Variants in QSER1 observed in about 807,000 individuals in gnomAD.
The protein encoded by QSER1 is glutamine and serine-rich protein 1.
In QSER1, 49 loss-of-function variants were observed where a neutral mutation model predicts 158.5. That is an observed-to-expected ratio of 0.31 (90% CI 0.25 to 0.39). The LOEUF is 0.39. Ranked by LOEUF, QSER1 falls within the 10% of genes least tolerant of loss-of-function variation. The probability of loss-of-function intolerance (pLI) is 1.00; values close to 1 mark genes in which losing one functional copy is unlikely to be tolerated. For synonymous variants in QSER1, 650 were observed against 715.5 expected, an observed-to-expected ratio of 0.91 and a Z score of 1.46; for missense variants, 1,754 against 2,010.3, an observed-to-expected ratio of 0.87 and a Z score of 2.44.
chr11:32,914,049 A>G (rs1341334133), intron 1 of QSER1, among the ~76,000 whole-genome samples: 2 of 152,232 alleles, frequency 1.3e-5, no homozygotes, highest in East Asian at 3.8e-4. Context: ...ATTAGCTAAA[A>G]CAAAGATTTT....
chr11:32,930,626 C>T (rs1380776077), intron 3 of QSER1, among the ~76,000 whole-genome samples: 1 of 152,154 alleles, frequency 6.6e-6, no homozygotes, highest in Admixed American at 6.5e-5. Context: ...TATGTCAAAA[C>T]ATATGTATCC....
chr11:32,949,103 G>T (rs920226617), intron 4 of QSER1, among the ~76,000 whole-genome samples: 2 of 151,920 alleles, frequency 1.3e-5, no homozygotes, highest in African/African-American at 4.8e-5. Context: ...CTTTTAAATA[G>T]TCATTTGTTT....
chr11:32,972,339 T>C (rs1648964614), intron 10 of QSER1, among the ~76,000 whole-genome samples: 1 of 152,006 alleles, frequency 6.6e-6, no homozygotes. Context: ...CATTCAGTTA[T>C]TGTTTGTAGC....
chr11:32,974,590 A>G lies in QSER1; in HGVS notation c.5359-658A>G, dbSNP rs1029402621. On this transcript the variant is annotated intron_variant, in intron 11 of 12. Coordinates refer to ENST00000650167, the MANE Select transcript of QSER1 (RefSeq NM_001076786.3). ...TAATGTCATACTACGTGCTTTTTATAAAGAAGAGATAGATTTGTTCATTCT... is the reference window on the plus strand; with the variant it reads ...TAATGTCATACTACGTGCTTTTTATGAAGAAGAGATAGATTTGTTCATTCT... 2.6e-5 allele frequency among the ~76,000 whole-genome samples: 4 copies of G among 152,334 alleles called. No individual in the cohort carries two copies. The Middle Eastern group carries it at 0.01, about 389-fold the overall frequency.
At chr11:32,909,012 T>G (rs1182971274) in intron 1 of QSER1, among the ~76,000 whole-genome samples, 1 of 152,054 alleles carries the variant, frequency 6.6e-6, no homozygotes, top group Non-Finnish European at 1.5e-5. Context: ...ATATAAAAAT[T>G]AGCTGGGCGT....
intron 1 of QSER1, among the ~76,000 whole-genome samples, chr11:32,913,179 C>CTTTTTTTT (rs61685246): frequency 1.8e-5 from 1 of 54,348 alleles, no homozygotes; most frequent in African/African-American, 7.5e-5. Context: ...TCTCCTCTTC[C>CTTTTTTTT]TTTTTTTTTT....
chr11:32,906,684 AT>A (rs1216035933), intron 1 of QSER1, among the ~76,000 whole-genome samples: 1 of 152,126 alleles, frequency 6.6e-6, no homozygotes, highest in Non-Finnish European at 1.5e-5. Context: ...AAGTGCTGGG[AT>A]TATCAACATG....
At chr11:32,913,916 C>T (rs1043408244) in intron 1 of QSER1, among the ~76,000 whole-genome samples, 1 of 152,194 alleles carries the variant, frequency 6.6e-6, no homozygotes, top group Admixed American at 6.5e-5. Context: ...TGCTTTTATA[C>T]AGCTGTTACA....
At chr11:32,931,092 A>G (rs1026681239) in intron 3 of QSER1, among the ~76,000 whole-genome samples, 4 of 150,694 alleles carry the variant, frequency 2.7e-5, no homozygotes, top group Non-Finnish European at 1.5e-5. Context: ...TTTTTTTTCC[A>G]TTTTAATGTT....
chr11:32,956,280 T>C (rs1313666678), intron 7 of QSER1, among the ~76,000 whole-genome samples, 159 bp downstream of exon 7: 2 of 152,126 alleles, frequency 1.3e-5, no homozygotes, highest in Non-Finnish European at 2.9e-5. Flanking sequence ...TTTGAAGGCA[T>C]GAGATGGGCA....
rs111783267 is a variant in QSER1, at chr11:32,937,303, G to C, written c.4177+1868G>C. On this transcript the variant is annotated intron_variant, in intron 4 of 12. Coordinates refer to ENST00000650167, the MANE Select transcript of QSER1 (RefSeq NM_001076786.3). ...TTTTTTTCTTTTTTTATTATTTTAA[G>C]AGACAGAGTCTTGCTCTGTCACCCA... Among the ~76,000 whole-genome samples the C allele has an allele frequency of 4.2e-3, 632 of 151,670 alleles. 3 individuals are homozygous for C. The highest frequency in any genetic ancestry group is 0.014 in the African/African-American group (578 of 41,302).
chr11:32,927,970 G>T lies in QSER1; in HGVS notation c.331G>T (p.Gly111Ter). 1.1e-6 allele frequency: 1 copy of T among 871,192 alleles called. No individual in the cohort carries two copies. Among genetic ancestry groups the T allele is most frequent in the Non-Finnish European group, 1.8e-6 (1 of 571,240 alleles). The allele number at this position is 871,192 out of a possible 1,614,324, so 54.0% of individuals were successfully genotyped here. A position where few individuals can be genotyped will look rare whatever the true frequency, so the allele number is the denominator to read the frequency against. The change falls in exon 3 of 13, where the codon GGA (glycine) becomes TGA (stop). Residue 111 changes from glycine (G) to a stop codon, truncating the protein, a stop_gained. Transcript: ENST00000650167. LOFTEE classifies it high-confidence loss of function. ...TTTATCTTCAAATTTAGGTCTTTCT[G>T]GAATATTTGATACTAGTGTGAACAG... Reference protein sequence around the residue: ...APTPQPTGLSGIFDTSVNSAS... With the variant: ...APTPQPTGLS
intron 2 of QSER1, among the ~76,000 whole-genome samples, 172 bp from the exon 3 acceptor site, chr11:32,927,790 T>C (rs187798912): frequency 1.4e-3 from 208 of 152,334 alleles, no homozygotes; most frequent in Non-Finnish European, 2.5e-3. Flanking sequence ...AGATTTTAAA[T>C]TATAAATATG....
Position 32,932,711 on chromosome 11 carries a change from G to T in QSER1, c.1453G>T (p.Val485Phe). 1 of 1,614,096 alleles carries T rather than the reference G, an allele frequency of 6.2e-7. No individual in the cohort carries two copies. ...LVQPHNVPSI[V>F]HSQVYRSSKV... ...ACAGCCACATAATGTGCCATCTATT[G>T]TTCATTCACAGGTTTATAGGTCCAG... Residue 485 changes from valine (V) to phenylalanine (F), a missense_variant, in exon 4 of 13, where the codon GTT (valine) becomes TTT (phenylalanine). By Grantham distance (50) the Val-to-Phe change is conservative. This residue lies in a region of QSER1 where 1,707 missense variants were observed against 1,919.6 expected (regional missense o/e 0.89). Coordinates refer to ENST00000650167, the MANE Select transcript of QSER1 (RefSeq NM_001076786.3).
chr11:32,912,926 TTTAACTC>T (rs1328990938), intron 1 of QSER1, among the ~76,000 whole-genome samples: 20 of 152,126 alleles, frequency 1.3e-4, no homozygotes, highest in African/African-American at 3.9e-4. Context: ...AAAGTATAAA[TTTAACTC>T]TTACTAAAAT....
intron 4 of QSER1, among the ~76,000 whole-genome samples, chr11:32,941,603 T>G (rs1852238681): frequency 6.6e-6 from 1 of 152,160 alleles, no homozygotes; most frequent in African/African-American, 2.4e-5. Flanking sequence ...GGTGTATATG[T>G]GCCACATTTT....
intron 4 of QSER1, among the ~76,000 whole-genome samples, chr11:32,952,399 AAC>A (rs56771980): frequency 0.76 from 115,978 of 151,902 alleles, 45,395 homozygotes; most frequent in East Asian, 0.99. Flanking sequence ...GTTTTCTATT[AAC>A]ACAGTGTATT....
At chr11:32,917,833 A>C (rs1302569136) in intron 1 of QSER1, among the ~76,000 whole-genome samples, 5 of 151,422 alleles carry the variant, frequency 3.3e-5, no homozygotes, top group Non-Finnish European at 7.4e-5. Flanking sequence ...AAAAAAAAAA[A>C]AAAAAAAAAA....
rs1564935063 is a variant in QSER1, at chr11:32,933,932, A to ATAG, written c.2677_2679dup (p.Val893dup). 6.2e-7 allele frequency: 1 copy of ATAG among 1,614,052 alleles called. No individual in the cohort carries two copies. The highest frequency in any genetic ancestry group is 1.7e-5 in the Admixed American group (1 of 60,014). On this transcript the variant is annotated inframe_insertion, in exon 4 of 13. Transcript: ENST00000650167. ...ACAGCGTGTTCAAAGCCCTCAACAA[A>ATAG]TAGTACATCCCTTCCTTCAGATGGA...
Sources: allele counts gnomAD v4.1 joint callset (sites outside exome capture counted in the v4.1 genomes callset), GRCh38; gene constraint gnomAD v4.1.1; regional missense constraint gnomAD v4.1.1; transcripts MANE v1.5; gene names NCBI Gene and HGNC (gene_info 2026-07-23, HGNC 2026-07-21).